The following BRWD1 variants were observed in gnomAD, a reference collection of about 807,000 sequenced individuals.
The protein encoded by BRWD1 is bromodomain and WD repeat-containing protein 1.
A neutral mutation model predicts 251.2 loss-of-function variants in BRWD1; 82 were observed. The observed-to-expected ratio is 0.33, with a 90% CI of 0.27 to 0.39. The LOEUF is 0.39. Ranked by LOEUF, BRWD1 falls within the 10% of genes least tolerant of loss-of-function variation. The pLI, the probability that BRWD1 is intolerant of heterozygous loss-of-function variation, is 1.00. For missense variants in BRWD1, 2,233 were observed against 2,711.6 expected (o/e 0.82, Z 3.92); for synonymous variants, 918 against 902.8 (o/e 1.02, Z -0.30).
At chr21:39,276,410 C>T (rs750586013) in intron 11 of BRWD1, among the ~76,000 whole-genome samples, 197 bp from the exon 12 acceptor site, 8 of 152,146 alleles carry the variant, frequency 5.3e-5, no homozygotes, top group Non-Finnish European at 1.0e-4. Context: ...TAAAATACAG[C>T]TTTCATTTCA....
chr21:39,220,460 A>C (rs1465302749), intron 29 of BRWD1, among the ~76,000 whole-genome samples: 1 of 152,252 alleles, frequency 6.6e-6, no homozygotes. Flanking sequence ...TATCTTAAAA[A>C]GATAAAATTG....
At chr21:39,290,977 T>A (rs1257906221) in intron 8 of BRWD1, among the ~76,000 whole-genome samples, 2 of 151,908 alleles carry the variant, frequency 1.3e-5, no homozygotes, top group African/African-American at 4.8e-5. Context: ...ATAAAGAATT[T>A]AAAAAGCCGG....
chr21:39,193,913 T>TA lies in BRWD1; in HGVS notation c.*2345dup. On this transcript the variant is annotated 3_prime_UTR_variant, in exon 41 of 41. Transcript: ENST00000342449. ...ACATATTCAAAGTTAACCTTAGGAA[T>TA]AGCACCATAACCAAAAAAACCCATA... is the stretch of plus-strand genomic sequence containing the variant. 2 of 985,550 alleles carry TA rather than the reference T, an allele frequency of 2.0e-6. No individual in the cohort carries two copies. The highest frequency in any genetic ancestry group is 2.4e-6 in the Non-Finnish European group (2 of 829,690). The allele number at this position is 985,550 out of a possible 1,614,324, so 61.1% of individuals were successfully genotyped here.
rs553304226 is a variant in BRWD1 at position 39,192,828 on chromosome 21, T to G, written c.*3431A>C. 8.2e-5 allele frequency: 81 copies of G among 985,160 alleles called. 3 individuals carry two copies. In the African/African-American group the frequency reaches 1.2e-3, roughly 14 times the overall value. 61.0% of individuals were successfully genotyped at this position (985,160 alleles called of 1,614,324 possible). The stretch of plus-strand genomic sequence containing the variant: ...GATATACAAACCTCTGGGGTTTCAG[T>G]TGGCACAATCAAGTTCAACTTGTAC... On this transcript the variant is annotated 3_prime_UTR_variant, in exon 41 of 41. Transcript: ENST00000342449.
rs1352395536 is a variant in BRWD1, at chr21:39,264,482, T to A, written c.1863A>T (p.Pro621=). The A allele has an allele frequency of 1.2e-6, 2 of 1,603,968 alleles. No homozygotes were observed. The highest frequency in any genetic ancestry group is 1.7e-6 in the Non-Finnish European group (2 of 1,176,130). ...RENSADEHLI[P]QLGYVATSDG... ...TACTTGTTGCCACATAGCCCAGCTG[T>A]GGAATCAAATGTTCATCTGCAGAAT... Residue 621 remains proline (P), a synonymous_variant, in exon 17 of 41, where the codon CCA becomes CCT. Coordinates refer to ENST00000342449, the MANE Select transcript of BRWD1 (RefSeq NM_033656.4).
chr21:39,229,513 TAAGTA>T, intron 25 of BRWD1, 77 bp from the exon 26 acceptor site: 1 of 1,354,682 alleles, frequency 7.4e-7, no homozygotes, highest in Non-Finnish European at 1.0e-6. Flanking sequence ...ACTGTTATAT[TAAGTA>T]AACTCATAAT....
chr21:39,292,989 G>A (rs905891800), intron 8 of BRWD1, among the ~76,000 whole-genome samples: 1 of 152,002 alleles, frequency 6.6e-6, no homozygotes, highest in Non-Finnish European at 1.5e-5. Flanking sequence ...AAAGTGGGGA[G>A]GGGAATCCTT....
At chr21:39,239,430 T>C (rs1601356158) in intron 21 of BRWD1, among the ~76,000 whole-genome samples, 1 of 152,364 alleles carries the variant, frequency 6.6e-6, no homozygotes, top group Admixed American at 6.5e-5. Flanking sequence ...TGGCTGAAAA[T>C]GATAAATTTG....
rs1555880797 is a variant in BRWD1 at position 39,313,589 on chromosome 21, G to GCGGCGC, written c.-99_-98insGCGCCG. 1 of 650,036 alleles carries GCGGCGC rather than the reference G, an allele frequency of 1.5e-6. No homozygotes were observed. Among genetic ancestry groups the GCGGCGC allele is most frequent in the African/African-American group, 2.0e-5 (1 of 51,252 alleles). 40.3% of individuals were successfully genotyped at this position (650,036 alleles called of 1,614,324 possible). ...GCTGGCGTCCCCTCTTCTCAGGCGC[G>GCGGCGC]CGCCGCCGCCGCCGCCGCCGCCGCC... On this transcript the variant is annotated 5_prime_UTR_variant, in exon 1 of 41. Transcript: ENST00000342449.
chr21:39,265,002 A>G lies in BRWD1; in HGVS notation c.1548T>C (p.His516=). Residue 516 remains histidine, a synonymous_variant, in exon 16 of 41, where the codon CAT becomes CAC. Coordinates refer to ENST00000342449, the MANE Select transcript of BRWD1 (RefSeq NM_033656.4). ...AAAACTTACAGTCAAACACAGCTCC[A>G]TGTCCTTGTCCTTCAATCTAGGAAA... ...HYFNMIEGQG[H]GAVFDCKFSQ... 4 of 1,613,496 alleles carry G rather than the reference A, an allele frequency of 2.5e-6. No individual in the cohort carries two copies. The highest frequency in any genetic ancestry group is 3.4e-6 in the Non-Finnish European group (4 of 1,179,848).
chr21:39,287,757 T>C (rs1225905535), intron 8 of BRWD1, among the ~76,000 whole-genome samples: 1 of 152,130 alleles, frequency 6.6e-6, no homozygotes, highest in African/African-American at 2.4e-5. Context: ...TCTGTACTTA[T>C]CTTCATAATT....
intron 31 of BRWD1, chr21:39,216,792 T>C: frequency 6.7e-6 from 2 of 297,088 alleles, no homozygotes; most frequent in South Asian, 3.9e-5. Context: ...ATATATTTTT[T>C]TTAACTTTTA....
intron 7 of BRWD1, among the ~76,000 whole-genome samples, chr21:39,294,976 C>T (rs2035915620): frequency 6.6e-6 from 1 of 152,044 alleles, no homozygotes; most frequent in African/African-American, 2.4e-5. Flanking sequence ...GTTTTTAATA[C>T]TTACTTGAAC....
intron 8 of BRWD1, among the ~76,000 whole-genome samples, chr21:39,292,523 G>A (rs1021815382): frequency 1.3e-5 from 2 of 152,110 alleles, no homozygotes; most frequent in Admixed American, 6.6e-5. Context: ...CGCCCCAGAC[G>A]TTTTGAAATC....
chr21:39,238,413 C>G, intron 22 of BRWD1, 66 bp downstream of exon 22: 1 of 1,302,466 alleles, frequency 7.7e-7, no homozygotes. Flanking sequence ...GAATAAAATT[C>G]AAGTATGATT....
intron 11 of BRWD1, among the ~76,000 whole-genome samples, chr21:39,276,721 TATTAA>T (rs547202345): frequency 5.7e-4 from 86 of 150,814 alleles, no homozygotes; most frequent in African/African-American, 1.9e-3. Context: ...TACTATGCAT[TATTAA>T]AATCACATTC....
chr21:39,309,394 G>A (rs750006785), intron 4 of BRWD1, among the ~76,000 whole-genome samples: 5 of 151,944 alleles, frequency 3.3e-5, no homozygotes, highest in Non-Finnish European at 5.9e-5. Context: ...GGAAATGGAG[G>A]CTTCAGTGAG....
At chr21:39,303,240 C>T (rs1428268606) in intron 4 of BRWD1, among the ~76,000 whole-genome samples, 1 of 151,624 alleles carries the variant, frequency 6.6e-6, no homozygotes. Flanking sequence ...ATAAAGAGGC[C>T]GGGTGCAGTG....
chr21:39,317,931 T>G (rs947362523), upstream of BRWD1, among the ~76,000 whole-genome samples: 1 of 151,998 alleles, frequency 6.6e-6, no homozygotes, highest in African/African-American at 2.4e-5. Context: ...GTGACTGTAG[T>G]TTGAGCTATT....
Sources: gnomAD v4.1 joint callset for allele counts (sites outside exome capture counted in the v4.1 genomes callset) on GRCh38, gnomAD v4.1.1 for gene constraint, MANE v1.5 for transcripts, NCBI Gene and HGNC (gene_info 2026-07-23, HGNC 2026-07-21) for gene names.